The following KL variants were observed in gnomAD, a reference collection of about 807,000 sequenced individuals.
KL encodes klotho.
A neutral mutation model predicts 84.2 loss-of-function variants in KL; 62 were observed. The observed-to-expected ratio is 0.74, with a 90% CI of 0.60 to 0.91. The LOEUF (loss-of-function observed/expected upper bound fraction) is 0.91, where lower values mean the gene tolerates loss of function less well. Among genes scored for constraint, KL ranks in the 40% least tolerant of loss-of-function variants. The pLI, the probability that KL is intolerant of heterozygous loss-of-function variation, is 0.00. For synonymous variants in KL, 528 were observed against 528.0 expected (o/e 1.00, Z 0.00); for missense variants, 1,261 against 1,305.7 (o/e 0.97, Z 0.53).
At chr13:33,042,767 T>G (rs60934469) in intron 1 of KL, among the ~76,000 whole-genome samples, 1 of 152,182 alleles carries the variant, frequency 6.6e-6, no homozygotes, top group Non-Finnish European at 1.5e-5. Context: ...CTGCAGCTTC[T>G]GCCACGTGGG....
chr13:33,034,735 C>G (rs952911553), intron 1 of KL, among the ~76,000 whole-genome samples: 5 of 152,062 alleles, frequency 3.3e-5, no homozygotes, highest in Non-Finnish European at 5.9e-5. Flanking sequence ...TGATTTGTTC[C>G]CTGTTGTGCC....
intron 1 of KL, among the ~76,000 whole-genome samples, chr13:33,049,084 A>G (rs2138225622): frequency 6.6e-6 from 1 of 152,338 alleles, no homozygotes; most frequent in African/African-American, 2.4e-5. Context: ...CTTATACCCC[A>G]AAGTGGATCA....
In KL at chr13:33,064,104, T is replaced by G; in HGVS notation, c.2957T>G (p.Ile986Arg). 1 of 1,613,940 alleles carries G rather than the reference T, an allele frequency of 6.2e-7. No homozygotes were observed. Among genetic ancestry groups the G allele is most frequent in the Non-Finnish European group, 8.5e-7 (1 of 1,179,890 alleles). Reference protein sequence around the residue: ...FHTRKSLLAFIAFLFFASIIS... With the variant: ...FHTRKSLLAFRAFLFFASIIS... ...ACCCGAAAGTCTTTACTGGCTTTCA[T>G]AGCTTTTCTATTTTTTGCTTCTATT... The change falls in exon 5 of 5, where the codon ATA (isoleucine) becomes AGA (arginine). Residue 986 changes from isoleucine to arginine, a missense_variant. Ile to Arg is a moderately conservative substitution (Grantham distance 97, BLOSUM62 -3). Transcript: ENST00000380099.
At position 33,053,818 on chromosome 13, in the gene KL, G is replaced by A. The variant is rs1871842460; in HGVS notation, c.871G>A (p.Gly291Arg). The A allele has an allele frequency of 6.2e-7, 1 of 1,613,914 alleles. No homozygotes were observed. Among genetic ancestry groups the A allele is most frequent in the African/African-American group, 1.3e-5 (1 of 74,876 alleles). ...CAATACTTCTTTCCGTCCCACTCAGGGAGGTCAGGTGTCCATTGCCCTAAG... is the reference window on the plus strand; with the variant it reads ...CAATACTTCTTTCCGTCCCACTCAGAGAGGTCAGGTGTCCATTGCCCTAAG... ...LYNTSFRPTQ[G>R]GQVSIALSSH... The change falls in exon 2 of 5, where the codon GGA becomes AGA. Residue 291 changes from glycine to arginine, a missense_variant. Physicochemically the swap from Gly to Arg is moderately radical, Grantham distance 125. Coordinates refer to ENST00000380099, the MANE Select transcript of KL (RefSeq NM_004795.4).
chr13:33,038,115 A>G (rs1871206492), intron 1 of KL, among the ~76,000 whole-genome samples: 1 of 152,238 alleles, frequency 6.6e-6, no homozygotes, highest in African/African-American at 2.4e-5. Context: ...TTTTGAGCAT[A>G]TGACTGATCA....
In KL at chr13:33,055,100, G is replaced by T; in HGVS notation, c.1384G>T (p.Asp462Tyr). ...CGGGTATACCGCATGGTCCCTCATG[G>T]ATGGTTTCGAGTGGCACAGAGGTTA... Reference protein sequence around the residue: ...VIGYTAWSLMDGFEWHRGYSI... With the variant: ...VIGYTAWSLMYGFEWHRGYSI... The change falls in exon 3 of 5, where the codon GAT becomes TAT. Residue 462 changes from aspartate (D) to tyrosine (Y), a missense_variant. Transcript: ENST00000380099. The T allele has an allele frequency of 6.2e-7, 1 of 1,614,200 alleles. No homozygotes were observed. The highest frequency in any genetic ancestry group is 8.5e-7 in the Non-Finnish European group (1 of 1,180,052).
intron 1 of KL, among the ~76,000 whole-genome samples, chr13:33,019,817 C>T (rs1870509821): frequency 1.4e-5 from 2 of 148,100 alleles, no homozygotes; most frequent in Admixed American, 1.4e-4. Context: ...GAGAGGTCTC[C>T]TACAAAGAGC....
chr13:33,051,381 A>T (rs1871744815), intron 1 of KL, among the ~76,000 whole-genome samples: 1 of 152,132 alleles, frequency 6.6e-6, no homozygotes. Flanking sequence ...CTCTACTAGA[A>T]ATAAAAAAGA....
intron 3 of KL, among the ~76,000 whole-genome samples, chr13:33,057,970 A>T (rs1872027694): frequency 6.6e-6 from 1 of 152,198 alleles, no homozygotes; most frequent in African/African-American, 2.4e-5. Flanking sequence ...TCAGTGTTTG[A>T]GGCATGCATT....
chr13:33,062,292 G>A (rs1262972393), intron 4 of KL, among the ~76,000 whole-genome samples: 2 of 151,890 alleles, frequency 1.3e-5, no homozygotes, highest in African/African-American at 4.8e-5. Context: ...GAGGCGGGAG[G>A]ATTGCTTGAG....
chr13:33,042,865 A>T (rs975979414), intron 1 of KL, among the ~76,000 whole-genome samples: 2 of 152,084 alleles, frequency 1.3e-5, no homozygotes, highest in Non-Finnish European at 1.5e-5. Context: ...TATTTTCAGT[A>T]GAGACGGGGT....
In KL at chr13:33,063,895, G is replaced by A. The variant is rs1367290977; in HGVS notation, c.2748G>A (p.Ser916=). 1.7e-5 allele frequency: 27 copies of A among 1,613,916 alleles called. No homozygotes were observed. Among genetic ancestry groups the A allele is most frequent in the Non-Finnish European group, 2.1e-5 (25 of 1,180,010 alleles). Residue 916 remains serine (S), a synonymous_variant, in exon 5 of 5, where the codon TCG becomes TCA. Coordinates refer to ENST00000380099, the MANE Select transcript of KL (RefSeq NM_004795.4). The stretch of plus-strand genomic sequence containing the variant: ...ATCTTTGCGGATACTTTGCTTATTC[G>A]TTTAACGACCGCACAGCTCCGAGGT... ...GINLCGYFAY[S]FNDRTAPRFG... is the part of the protein sequence containing the mutation.
At position 33,056,059 on chromosome 13, in the gene KL, T is replaced by C. The variant is rs569298101; in HGVS notation, c.1599+744T>C. Among the ~76,000 whole-genome samples the C allele has an allele frequency of 4.6e-5, 7 of 152,272 alleles. No homozygotes were observed. In the South Asian group the frequency reaches 1.5e-3, roughly 32 times the overall value. On this transcript the variant is annotated intron_variant, in intron 3 of 4. Transcript: ENST00000380099. ...AGGGGAGTGCAGGTAGAGGGTATACTGAGATGAGTAAGGGTAACCTTTGCT... is the reference window on the plus strand; with the variant it reads ...AGGGGAGTGCAGGTAGAGGGTATACCGAGATGAGTAAGGGTAACCTTTGCT...
intron 3 of KL, among the ~76,000 whole-genome samples, chr13:33,055,857 A>T (rs1409161587): frequency 6.6e-6 from 1 of 152,236 alleles, no homozygotes; most frequent in Non-Finnish European, 1.5e-5. Context: ...ATTTCTTCAG[A>T]ATGATCAACC....
intron 1 of KL, among the ~76,000 whole-genome samples, chr13:33,051,262 G>C (rs1200672876): frequency 6.6e-6 from 1 of 152,146 alleles, no homozygotes; most frequent in African/African-American, 2.4e-5. Context: ...GGCCAGGTGC[G>C]GTGGCTCATG....
chr13:33,053,471 A>T (rs1871827009), intron 1 of KL, among the ~76,000 whole-genome samples: 1 of 152,208 alleles, frequency 6.6e-6, no homozygotes, highest in Admixed American at 6.5e-5. Flanking sequence ...TATTATAACA[A>T]ATTCTTTTAT....
At chr13:33,018,538 T>C (rs1175812234) in intron 1 of KL, among the ~76,000 whole-genome samples, 1 of 152,210 alleles carries the variant, frequency 6.6e-6, no homozygotes, top group Non-Finnish European at 1.5e-5. Flanking sequence ...TGGAAACACA[T>C]TGTGATTTTT....
At chr13:33,030,098 C>A (rs1870922487) in intron 1 of KL, among the ~76,000 whole-genome samples, 1 of 152,106 alleles carries the variant, frequency 6.6e-6, no homozygotes, top group South Asian at 2.1e-4. Context: ...CATCCTTTTA[C>A]AAGGAACCCA....
intron 1 of KL, among the ~76,000 whole-genome samples, chr13:33,036,382 A>C (rs1012855725): frequency 6.6e-6 from 1 of 151,154 alleles, no homozygotes; most frequent in East Asian, 1.9e-4. Flanking sequence ...CATACATACC[A>C]CACACATGCA....
Sources: allele counts gnomAD v4.1 joint callset (sites outside exome capture counted in the v4.1 genomes callset), GRCh38; gene constraint gnomAD v4.1.1; transcripts MANE v1.5; gene names NCBI Gene and HGNC (gene_info 2026-07-23, HGNC 2026-07-21).